MAD1L1: variants seen among roughly 807,000 people sequenced by gnomAD.
The protein encoded by MAD1L1 is mitotic spindle assembly checkpoint protein MAD1.
A neutral mutation model predicts 96.9 loss-of-function variants in MAD1L1; 95 were observed. The ratio of observed to expected loss-of-function variants is 0.98; its 90% CI spans 0.83 to 1.16. MAD1L1 has a LOEUF of 1.16. Among genes scored for constraint, MAD1L1 ranks in the 50% most tolerant of loss-of-function variants. The pLI is 0.00. For missense variants in MAD1L1, 1,007 were observed against 954.4 expected (o/e 1.06, Z -0.73); for synonymous variants, 473 against 396.6 (o/e 1.19, Z -2.29).
intron 15 of MAD1L1, among the ~76,000 whole-genome samples, chr7:1,975,911 C>A (rs973212075): frequency 6.6e-6 from 1 of 152,188 alleles, no homozygotes; most frequent in Non-Finnish European, 1.5e-5. Context: ...AATTAGCAAG[C>A]GTCTAACCAG....
chr7:1,844,979 G>A (rs1783511223), intron 18 of MAD1L1, among the ~76,000 whole-genome samples: 1 of 152,242 alleles, frequency 6.6e-6, no homozygotes, highest in South Asian at 2.1e-4. Context: ...GAGGACAGGG[G>A]TGCGGGGAGG....
At chr7:2,025,521 GC>G (rs1782958731) in intron 12 of MAD1L1, among the ~76,000 whole-genome samples, 1 of 152,148 alleles carries the variant, frequency 6.6e-6, no homozygotes, top group Non-Finnish European at 1.5e-5. Flanking sequence ...TAATTCCTCA[GC>G]ATTAAATCTG....
chr7:1,979,323 C>T (rs1373387402), intron 15 of MAD1L1, among the ~76,000 whole-genome samples: 2 of 152,224 alleles, frequency 1.3e-5, no homozygotes, highest in Non-Finnish European at 2.9e-5. Context: ...CCAGGAGAAA[C>T]CCTGGATGCC....
At chr7:2,117,676 C>A (rs1787778520) in intron 11 of MAD1L1, among the ~76,000 whole-genome samples, 1 of 152,180 alleles carries the variant, frequency 6.6e-6, no homozygotes, top group Admixed American at 6.5e-5. Context: ...CTATGATTGT[C>A]ATTTTCCTGA....
At chr7:1,833,260 T>C (rs1782794897) in intron 18 of MAD1L1, among the ~76,000 whole-genome samples, 1 of 152,248 alleles carries the variant, frequency 6.6e-6, no homozygotes, top group Non-Finnish European at 1.5e-5. Flanking sequence ...TGGAACCAAA[T>C]GCGTGATATA....
At chr7:1,862,047 CCTA>C (rs1784558867) in intron 18 of MAD1L1, among the ~76,000 whole-genome samples, 1 of 152,170 alleles carries the variant, frequency 6.6e-6, no homozygotes, top group Non-Finnish European at 1.5e-5. Context: ...TTGAAGGCCT[CCTA>C]GACCTGCAGA....
At chr7:2,204,517 C>T (rs567863325) in intron 10 of MAD1L1, among the ~76,000 whole-genome samples, 1 of 152,214 alleles carries the variant, frequency 6.6e-6, no homozygotes, top group African/African-American at 2.4e-5. Flanking sequence ...ATCACTGTTG[C>T]TCAGTTTTAC....
intron 11 of MAD1L1, among the ~76,000 whole-genome samples, chr7:2,085,825 C>T (rs1429478021): frequency 2.6e-5 from 4 of 152,218 alleles, no homozygotes; most frequent in Non-Finnish European, 5.9e-5. Flanking sequence ...CTCTTGGGTG[C>T]GCACTTAGAA....
chr7:2,095,945 G>A (rs1786465939), intron 11 of MAD1L1, among the ~76,000 whole-genome samples: 1 of 152,272 alleles, frequency 6.6e-6, no homozygotes, highest in South Asian at 2.1e-4. Flanking sequence ...GAAGGAAGGA[G>A]AGCGCGGGTC....
chr7:1,886,541 C>T (rs1409973189), intron 18 of MAD1L1, among the ~76,000 whole-genome samples: 1 of 152,240 alleles, frequency 6.6e-6, no homozygotes, highest in Non-Finnish European at 1.5e-5. Flanking sequence ...CACGGTGGCA[C>T]GGGCGGGAGA....
intron 12 of MAD1L1, among the ~76,000 whole-genome samples, chr7:2,056,419 G>A (rs1784392322): frequency 6.6e-6 from 1 of 151,698 alleles, no homozygotes; most frequent in East Asian, 1.9e-4. Flanking sequence ...GCTCTGCTCT[G>A]CTCTAGGGAA....
intron 16 of MAD1L1, among the ~76,000 whole-genome samples, chr7:1,949,896 G>A (rs913475234): frequency 1.3e-5 from 2 of 152,216 alleles, no homozygotes; most frequent in Non-Finnish European, 2.9e-5. Context: ...ACATGCTCAG[G>A]GATATCAGCT....
rs561831147 is a variant in MAD1L1 at position 2,127,010 on chromosome 7, G to A, written c.1073+22142C>T. Among the ~76,000 whole-genome samples, 15 of 152,356 alleles carry A rather than the reference G, an allele frequency of 9.8e-5. No individual in the cohort carries two copies. The South Asian group carries it at 1.2e-3, about 13-fold the overall frequency. ...CCAAGTCAGGTGTGAGTTCAGTCAC[G>A]AAGCACATCCGAGGCCTCGTTCCCA... On this transcript the variant is annotated intron_variant, in intron 11 of 18. Coordinates refer to ENST00000265854, the MANE Select transcript of MAD1L1 (RefSeq NM_001013836.2).
intron 18 of MAD1L1, among the ~76,000 whole-genome samples, chr7:1,860,196 A>T (rs998224707): frequency 6.6e-5 from 9 of 136,736 alleles, no homozygotes; most frequent in South Asian, 2.3e-4. Context: ...GTGTCCCTAG[A>T]CCTGACATCT....
chr7:2,017,723 G>A (rs1006017961), intron 12 of MAD1L1, among the ~76,000 whole-genome samples: 8 of 152,312 alleles, frequency 5.3e-5, no homozygotes, highest in East Asian at 1.9e-4. Flanking sequence ...GTGCTCCGGC[G>A]CGCTAATTAC....
chr7:1,958,164 G>A (rs138955829), intron 15 of MAD1L1, among the ~76,000 whole-genome samples: 1 of 152,314 alleles, frequency 6.6e-6, no homozygotes, highest in Non-Finnish European at 1.5e-5. Flanking sequence ...CTTCTACTGC[G>A]GGGTGTGGAA....
intron 18 of MAD1L1, among the ~76,000 whole-genome samples, chr7:1,881,807 C>T (rs2128664432): frequency 6.6e-6 from 1 of 152,302 alleles, no homozygotes; most frequent in South Asian, 2.1e-4. Context: ...CCCATGGTGC[C>T]CCCTCACTCC....
intron 18 of MAD1L1, among the ~76,000 whole-genome samples, chr7:1,878,543 T>G (rs4721143): frequency 0.69 from 103,808 of 151,472 alleles, 35,984 homozygotes; most frequent in African/African-American, 0.79. Context: ...AACAGAATAA[T>G]TAAGTTCATA....
chr7:1,980,957 G>C (rs531821010), intron 14 of MAD1L1, among the ~76,000 whole-genome samples: 255 of 152,228 alleles, frequency 1.7e-3, no homozygotes, highest in Non-Finnish European at 2.8e-3. Context: ...CCGCCCGGGA[G>C]GGAGCCTGGA....
Sources: gnomAD v4.1 joint callset for allele counts (sites outside exome capture counted in the v4.1 genomes callset) on GRCh38, gnomAD v4.1.1 for gene constraint, MANE v1.5 for transcripts, NCBI Gene and HGNC (gene_info 2026-07-23, HGNC 2026-07-21) for gene names.